The following KRAS variants were observed in gnomAD, a reference collection of about 807,000 sequenced individuals.
KRAS encodes the protein KRas proto-oncogene, GTPase.
A neutral mutation model predicts 21.0 loss-of-function variants in KRAS; 1 was observed. That is an observed-to-expected ratio of 0.05 (90% CI 0.02 to 0.23). KRAS has a LOEUF of 0.23. Ranked by LOEUF, KRAS falls within the 10% of genes least tolerant of loss-of-function variation. The pLI is 1.00. For missense variants in KRAS, 107 were observed against 221.8 expected, an observed-to-expected ratio of 0.48 and a Z score of 3.29; for synonymous variants, 67 against 72.5, an observed-to-expected ratio of 0.92 and a Z score of 0.39.
At chr12:25,235,656 G>A (rs1951535846) in intron 2 of KRAS, among the ~76,000 whole-genome samples, 1 of 152,178 alleles carries the variant, frequency 6.6e-6, no homozygotes, top group Non-Finnish European at 1.5e-5. Flanking sequence ...TATGCATTAA[G>A]AAAGACGGGG....
intron 4 of KRAS, among the ~76,000 whole-genome samples, chr12:25,219,132 T>G (rs900288117): frequency 2.0e-5 from 3 of 151,944 alleles, no homozygotes; most frequent in Non-Finnish European, 4.4e-5. Context: ...AGAGGGGGGT[T>G]TCACCATATT....
intron 4 of KRAS, among the ~76,000 whole-genome samples, chr12:25,214,727 CA>C (rs1196421604): frequency 1.3e-5 from 2 of 152,102 alleles, no homozygotes; most frequent in African/African-American, 4.8e-5. Context: ...TCCGGTTTCA[CA>C]ATGAATGATG....
At chr12:25,219,034 G>A (rs1384125498) in intron 4 of KRAS, among the ~76,000 whole-genome samples, 1 of 151,722 alleles carries the variant, frequency 6.6e-6, no homozygotes, top group East Asian at 1.9e-4. Context: ...CCACCTCCGG[G>A]TTCAAGCGAT....
chr12:25,244,903 T>C (rs1951658425), intron 2 of KRAS, among the ~76,000 whole-genome samples: 1 of 152,200 alleles, frequency 6.6e-6, no homozygotes, highest in Admixed American at 6.5e-5. Context: ...ATTTCACTAG[T>C]ACAATTAAAT....
intron 2 of KRAS, among the ~76,000 whole-genome samples, chr12:25,237,208 G>A (rs1262074106): frequency 6.6e-6 from 1 of 152,162 alleles, no homozygotes; most frequent in Non-Finnish European, 1.5e-5. Flanking sequence ...CACAGAGATG[G>A]AAAAATTAGC....
At chr12:25,221,550 A>G (rs1253218882) in intron 4 of KRAS, among the ~76,000 whole-genome samples, 1 of 151,958 alleles carries the variant, frequency 6.6e-6, no homozygotes, top group Non-Finnish European at 1.5e-5. Flanking sequence ...CTATTTTTAT[A>G]CTATGCACAA....
At chr12:25,246,172 C>A (rs893980867) in intron 1 of KRAS, among the ~76,000 whole-genome samples, 3 of 131,116 alleles carry the variant, frequency 2.3e-5, no homozygotes, top group Admixed American at 7.7e-5. Flanking sequence ...AAAAAAAAAT[C>A]TCTGGGGAAA....
chr12:25,227,136 TTTA>T, intron 3 of KRAS, 95 bp downstream of exon 3: 2 of 786,872 alleles, frequency 2.5e-6, no homozygotes, highest in Non-Finnish European at 4.0e-6. Flanking sequence ...TTTAAAAATT[TTTA>T]TTAAATATTA....
intron 4 of KRAS, among the ~76,000 whole-genome samples, chr12:25,216,409 G>A (rs1435731930): frequency 1.3e-5 from 2 of 152,046 alleles, no homozygotes; most frequent in African/African-American, 4.8e-5. Flanking sequence ...CAAATAGCTG[G>A]GACTACAGGC....
intron 1 of KRAS, among the ~76,000 whole-genome samples, chr12:25,248,266 G>C (rs1042842498): frequency 3.9e-5 from 6 of 152,062 alleles, no homozygotes; most frequent in African/African-American, 1.4e-4. Context: ...GTCGAGACCA[G>C]CCTGGCCAAC....
rs770720889 is a variant in KRAS at position 25,225,683 on chromosome 12, T to A, written c.381A>T (p.Thr127=). The A allele has an allele frequency of 6.2e-7, 1 of 1,613,296 alleles. No individual in the cohort carries two copies. Among genetic ancestry groups the A allele is most frequent in the African/African-American group, 1.3e-5 (1 of 74,896 alleles). ...KCDLPSRTVD[T]KQAQDLARSY... ...TTCTTGCTAAGTCCTGAGCCTGTTT[T>A]GTGTCTACTGTTCTAGAAGGCAAAT... Residue 127 remains threonine, a synonymous_variant, in exon 4 of 5, where the codon ACA becomes ACT. Transcript: ENST00000311936.
At chr12:25,246,376 G>A (rs1448198531) in intron 1 of KRAS, among the ~76,000 whole-genome samples, 3 of 152,058 alleles carry the variant, frequency 2.0e-5, no homozygotes, top group Admixed American at 1.3e-4. Flanking sequence ...TGGCCAATAT[G>A]GTGAAACCCT....
chr12:25,223,408 AG>A (rs1166112792), intron 4 of KRAS, among the ~76,000 whole-genome samples: 1 of 152,182 alleles, frequency 6.6e-6, no homozygotes, highest in African/African-American at 2.4e-5. Context: ...GACAGTAAAA[AG>A]AAAAACAAAA....
At chr12:25,214,335 G>C (rs1565880257) in intron 4 of KRAS, among the ~76,000 whole-genome samples, 1 of 151,656 alleles carries the variant, frequency 6.6e-6, no homozygotes. Context: ...AGGTAGTAAG[G>C]ACTATCTGCA....
At chr12:25,221,747 CT>C (rs934046780) in intron 4 of KRAS, among the ~76,000 whole-genome samples, 1 of 152,082 alleles carries the variant, frequency 6.6e-6, no homozygotes, top group African/African-American at 2.4e-5. Flanking sequence ...GAATATAATT[CT>C]TTTTGGGTGT....
chr12:25,217,469 TC>T (rs1434526287), intron 4 of KRAS, among the ~76,000 whole-genome samples: 1 of 147,872 alleles, frequency 6.8e-6, no homozygotes, highest in Non-Finnish European at 1.5e-5. Context: ...ACATATACTA[TC>T]CAGTGATATA....
chr12:25,207,400 G>C lies in KRAS; in HGVS notation c.*2395C>G, dbSNP rs1248317383. ...GTAGTGGCACACGCCTGTAATCCCA[G>C]CTACTCAGGAGGCCGAGGCACGAGA... is the stretch of plus-strand genomic sequence containing the variant. On this transcript the variant is annotated 3_prime_UTR_variant, in exon 5 of 5. Coordinates refer to ENST00000311936, the MANE Select transcript of KRAS (RefSeq NM_004985.5). The C allele has an allele frequency of 5.3e-6, 1 of 188,192 alleles. No individual in the cohort carries two copies. Among genetic ancestry groups the C allele is most frequent in the Non-Finnish European group, 1.1e-5 (1 of 89,472 alleles). 11.7% of individuals were successfully genotyped at this position (188,192 alleles called of 1,614,324 possible). A position where few individuals can be genotyped will look rare whatever the true frequency, so the allele number is the denominator to read the frequency against.
intron 2 of KRAS, among the ~76,000 whole-genome samples, chr12:25,244,490 G>C (rs1951651136): frequency 6.6e-6 from 1 of 152,072 alleles, no homozygotes; most frequent in African/African-American, 2.4e-5. Flanking sequence ...TCCCCTCCTG[G>C]AGGTCTTTGA....
intron 4 of KRAS, among the ~76,000 whole-genome samples, chr12:25,222,665 T>C (rs1025306898): frequency 6.6e-6 from 1 of 152,144 alleles, no homozygotes; most frequent in Non-Finnish European, 1.5e-5. Flanking sequence ...TTACATATTA[T>C]ATACCTTCAA....
Sources: gnomAD v4.1 joint callset for allele counts (sites outside exome capture counted in the v4.1 genomes callset) on GRCh38, gnomAD v4.1.1 for gene constraint, MANE v1.5 for transcripts, NCBI Gene and HGNC (gene_info 2026-07-23, HGNC 2026-07-21) for gene names.